Variants in PRH1 observed in about 807,000 individuals in gnomAD.
PRH1 encodes proline rich protein HaeIII subfamily 1.
PRH1 carries 7 observed loss-of-function variants against 7.9 expected under a neutral mutation model. The observed-to-expected ratio is 0.89, with a 90% CI of 0.50 to 1.67. The LOEUF is 1.67. Ranked by LOEUF, PRH1 falls within the 40% of genes most tolerant of loss-of-function variation. PRH1 has a pLI of 0.00. For missense variants in PRH1, 109 were observed against 223.6 expected, an observed-to-expected ratio of 0.49 and a Z score of 3.27; for synonymous variants, 45 against 80.8, an observed-to-expected ratio of 0.56 and a Z score of 2.38.
chr12:11,077,951 GC>G, intron 1 of PRH1: 1 of 909,870 alleles, frequency 1.1e-6, no homozygotes, highest in Non-Finnish European at 1.8e-6. Flanking sequence ...CTAGCAGCAA[GC>G]CAGATGCTGA....
At chr12:11,020,660 G>T (rs985019931) in intron 1 of PRH1, among the ~76,000 whole-genome samples, 13 of 149,840 alleles carry the variant, frequency 8.7e-5, no homozygotes, top group African/African-American at 3.2e-4. Flanking sequence ...AGATTTCACA[G>T]ATTTTTATGT....
chr12:11,037,523 C>T (rs1381442297), intron 1 of PRH1, among the ~76,000 whole-genome samples: 2 of 152,118 alleles, frequency 1.3e-5, no homozygotes, highest in African/African-American at 2.4e-5. Context: ...TTTAGAGACA[C>T]ATTTTTGGAT....
intron 2 of PRH1, among the ~76,000 whole-genome samples, chr12:10,970,713 C>T (rs78216145): frequency 0.037 from 5,613 of 151,860 alleles, 344 homozygotes; most frequent in African/African-American, 0.13. Flanking sequence ...TACAGGAGCC[C>T]GCCACCACAA....
Position 10,903,931 on chromosome 12 carries a change from C to CAAAAAAAAAAAAAAAA in PRH1, c.-58-19672_-58-19657dup, listed in dbSNP as rs546066515. Among the ~76,000 whole-genome samples the CAAAAAAAAAAAAAAAA allele has an allele frequency of 5.1e-3, 157 of 31,080 alleles. 5 individuals carry two copies. The highest frequency in any genetic ancestry group is 0.091 in the Middle Eastern group (2 of 22). The allele number at this position is 31,080 out of a possible 152,430, so 20.4% of individuals were successfully genotyped here. A position where few individuals can be genotyped will look rare whatever the true frequency, so the allele number is the denominator to read the frequency against. On this transcript the variant is annotated intron_variant, in intron 2 of 3. Transcript: ENST00000539853. The stretch of plus-strand genomic sequence containing the variant: ...AATGCAATCCCATTTACAATAGCCT[C>CAAAAAAAAAAAAAAAA]AAAAAAAAAAAAAAAAAAAAAAACA...
chr12:11,011,881 T>G (rs1358249488), intron 1 of PRH1, among the ~76,000 whole-genome samples: 1 of 152,106 alleles, frequency 6.6e-6, no homozygotes, highest in African/African-American at 2.4e-5. Context: ...TGGGAGGAAT[T>G]ATTGTCCTGT....
intron 1 of PRH1, chr12:10,986,931 C>CTTAA (rs1939671008): frequency 1.8e-6 from 2 of 1,126,084 alleles, no homozygotes; most frequent in Non-Finnish European, 2.4e-6. Flanking sequence ...ATACTCTGAC[C>CTTAA]TTAAATTTTA....
intron 1 of PRH1, among the ~76,000 whole-genome samples, chr12:11,143,264 C>T (rs1200046667): frequency 1.3e-5 from 2 of 152,118 alleles, no homozygotes; most frequent in Non-Finnish European, 2.9e-5. Flanking sequence ...TTTGCTTATG[C>T]AAACAGTGCT....
intron 1 of PRH1, among the ~76,000 whole-genome samples, chr12:11,135,023 C>T (rs1017615402): frequency 6.6e-6 from 1 of 152,132 alleles, no homozygotes; most frequent in Non-Finnish European, 1.5e-5. Context: ...GTCCTATTTT[C>T]CCACTCAAGG....
chr12:11,053,186 T>G (rs1157500615), intron 1 of PRH1, among the ~76,000 whole-genome samples: 1 of 152,270 alleles, frequency 6.6e-6, no homozygotes, highest in Non-Finnish European at 1.5e-5. Context: ...AGATAAAATA[T>G]AGTTCATTAA....
chr12:10,997,222 A>T, intron 1 of PRH1: 2 of 1,613,994 alleles, frequency 1.2e-6, no homozygotes, highest in Non-Finnish European at 1.7e-6. Context: ...TGGTGCTGGG[A>T]TCTTGAGATC....
intron 1 of PRH1, among the ~76,000 whole-genome samples, chr12:11,109,501 C>G (rs1321246156): frequency 1.3e-5 from 2 of 152,160 alleles, no homozygotes; most frequent in African/African-American, 4.8e-5. Flanking sequence ...TGTTTTGCAG[C>G]CTCCACTGGT....
At chr12:11,092,050 C>A (rs763187564) in intron 1 of PRH1, 2 of 1,529,318 alleles carry the variant, frequency 1.3e-6, no homozygotes, top group Non-Finnish European at 1.8e-6. Flanking sequence ...ATAATAATAC[C>A]CAGAGCAAAC....
intron 1 of PRH1, among the ~76,000 whole-genome samples, chr12:10,983,119 G>A (rs945622691): frequency 6.6e-6 from 1 of 152,174 alleles, no homozygotes; most frequent in Non-Finnish European, 1.5e-5. Flanking sequence ...TGCATAGTGG[G>A]CATTATAGGA....
At chr12:11,114,010 T>C (rs1224975276) in intron 1 of PRH1, among the ~76,000 whole-genome samples, 1 of 152,024 alleles carries the variant, frequency 6.6e-6, no homozygotes, top group African/African-American at 2.4e-5. Flanking sequence ...AAACAACAGA[T>C]GCTGGAGAGT....
At chr12:10,992,846 A>C (rs1258854546) in intron 1 of PRH1, among the ~76,000 whole-genome samples, 1 of 152,214 alleles carries the variant, frequency 6.6e-6, no homozygotes, top group Non-Finnish European at 1.5e-5. Context: ...AACAGCTAGC[A>C]GAACTCTCAC....
intron 1 of PRH1, chr12:11,171,259 T>C: frequency 2.5e-6 from 2 of 810,256 alleles, no homozygotes; most frequent in East Asian, 3.4e-5. Context: ...GGGAGCCGCT[T>C]TGCTTACCGT....
intron 2 of PRH1, among the ~76,000 whole-genome samples, chr12:10,926,324 A>G (rs1168846873): frequency 2.0e-5 from 3 of 152,222 alleles, no homozygotes; most frequent in African/African-American, 4.8e-5. Flanking sequence ...GCCAATGTTC[A>G]TCTTTCCTGG....
chr12:11,016,264 CCAAAGGTG>C (rs1462446798), intron 1 of PRH1, among the ~76,000 whole-genome samples: 1 of 152,172 alleles, frequency 6.6e-6, no homozygotes, highest in African/African-American at 2.4e-5. Context: ...GCTTTCTGCT[CCAAAGGTG>C]AAGTGGTACA....
rs746393286 is a variant in PRH1, at chr12:10,997,153, G to A, written c.-125-23432C>T. 5 of 1,614,030 alleles carry A rather than the reference G, an allele frequency of 3.1e-6. No individual in the cohort carries two copies. The South Asian group carries it at 5.5e-5, about 18-fold the overall frequency. ...AAAACGATATGATTAGACACAGAAAGTAAATGGCAAGTAATATGAGGAAGG... is the reference window on the plus strand; with the variant it reads ...AAAACGATATGATTAGACACAGAAAATAAATGGCAAGTAATATGAGGAAGG... On this transcript the variant is annotated intron_variant, in intron 1 of 3. Transcript: ENST00000539853.
Sources: allele counts gnomAD v4.1 joint callset (sites outside exome capture counted in the v4.1 genomes callset), GRCh38; gene constraint gnomAD v4.1.1; transcripts MANE v1.5; gene names NCBI Gene and HGNC (gene_info 2026-07-23, HGNC 2026-07-21).